Variants in NRTN observed in about 807,000 individuals in gnomAD.
The protein encoded by NRTN is neurturin.
NRTN carries 3 observed loss-of-function variants against 7.5 expected under a neutral mutation model. The ratio of observed to expected loss-of-function variants is 0.40; its 90% CI spans 0.18 to 1.03. The LOEUF (loss-of-function observed/expected upper bound fraction) is 1.03, where lower values mean the gene tolerates loss of function less well. Among genes scored for constraint, NRTN ranks in the 50% least tolerant of loss-of-function variants. The pLI is 0.34. For synonymous variants in NRTN, 157 were observed against 146.6 expected, an observed-to-expected ratio of 1.07 and a Z score of -0.51; for missense variants, 310 against 307.0, an observed-to-expected ratio of 1.01 and a Z score of -0.07.
intron 1 of NRTN, among the ~76,000 whole-genome samples, chr19:5,816,680 T>C (rs910111426): frequency 2.6e-5 from 4 of 151,928 alleles, no homozygotes; most frequent in Non-Finnish European, 5.9e-5. Flanking sequence ...CCGTGCCCCG[T>C]CTTGTCTTCT....
chr19:5,814,458 T>G (rs944637267), intron 1 of NRTN, among the ~76,000 whole-genome samples: 12 of 152,194 alleles, frequency 7.9e-5, no homozygotes, highest in African/African-American at 2.9e-4. Flanking sequence ...CCTCCCTTTC[T>G]TCATCTCTCA....
At position 5,811,893 on chromosome 19, in the gene NRTN, C is replaced by A. The variant is rs1403374781; in HGVS notation, c.-399+6442C>A. Among the ~76,000 whole-genome samples the A allele has an allele frequency of 2.7e-5, 4 of 148,454 alleles. No individual in the cohort carries two copies. In the East Asian group the frequency reaches 8.0e-4, roughly 30 times the overall value. ...ATTTTATTTATTTATTTTTTTGAGA[C>A]AGAGTTCGCTCTGTTGCCCAGGCTG... On this transcript the variant is annotated intron_variant, in intron 1 of 2. Transcript: ENST00000303212.
In NRTN at chr19:5,828,122, C is replaced by T; in HGVS notation, c.543C>T (p.Ser181=). Residue 181 remains serine, a synonymous_variant, in exon 3 of 3, where the codon AGC becomes AGT. Transcript: ENST00000303212. ...AGGTGTCCTTCCTGGACGCGCACAGCCGCTACCACACGGTGCACGAGCTGT... is the reference window on the plus strand; with the variant it reads ...AGGTGTCCTTCCTGGACGCGCACAGTCGCTACCACACGGTGCACGAGCTGT... ...EDEVSFLDAH[S]RYHTVHELSA... 2.0e-6 allele frequency: 3 copies of T among 1,507,880 alleles called. No homozygotes were observed. Among genetic ancestry groups the T allele is most frequent in the East Asian group, 2.7e-5 (1 of 37,098 alleles). The allele number at this position is 1,507,880 out of a possible 1,614,324, so 93.4% of individuals were successfully genotyped here.
intron 1 of NRTN, among the ~76,000 whole-genome samples, chr19:5,809,488 T>A (rs1375518242): frequency 1.3e-5 from 2 of 149,418 alleles, no homozygotes; most frequent in African/African-American, 5.0e-5. Flanking sequence ...CCTGGTTTTT[T>A]TTTTGTTGTT....
intron 1 of NRTN, among the ~76,000 whole-genome samples, chr19:5,821,294 CTTTTTTTT>C (rs33932385): frequency 1.4e-3 from 68 of 49,174 alleles, no homozygotes; most frequent in African/African-American, 5.6e-3. Context: ...CAGTGCCTAG[CTTTTTTTT>C]TTTTTTTTTT....
intron 1 of NRTN, among the ~76,000 whole-genome samples, chr19:5,820,738 GA>G (rs869276836): frequency 0.017 from 657 of 38,998 alleles, 1 homozygote; most frequent in South Asian, 0.042. Flanking sequence ...TCTGTCTCAA[GA>G]AAAAAAAAAA....
At chr19:5,821,212 A>G (rs1413208220) in intron 1 of NRTN, among the ~76,000 whole-genome samples, 2 of 150,356 alleles carry the variant, frequency 1.3e-5, no homozygotes, top group Non-Finnish European at 2.9e-5. Flanking sequence ...TCATCCTCCC[A>G]ATAAATCCAT....
At chr19:5,821,459 C>T (rs1178693356) in intron 1 of NRTN, among the ~76,000 whole-genome samples, 4 of 151,818 alleles carry the variant, frequency 2.6e-5, no homozygotes, top group East Asian at 3.9e-4. Context: ...TGTGCCACCA[C>T]GCCCGGCTAA....
chr19:5,816,453 G>A (rs1037457609), intron 1 of NRTN, among the ~76,000 whole-genome samples: 1 of 151,732 alleles, frequency 6.6e-6, no homozygotes, highest in Non-Finnish European at 1.5e-5. Context: ...GTCTCGGCTC[G>A]CTGCAACCTC....
rs1044661474 is a variant in NRTN, at chr19:5,805,713, C to A, written c.-399+262C>A. ...CGGTGTCCCTGTCCGACGGGGCGGG[C>A]GCACTCCTGTCTCCTAAAACCTCCA... On this transcript the variant is annotated intron_variant, in intron 1 of 2. Transcript: ENST00000303212. Among the ~76,000 whole-genome samples the A allele has an allele frequency of 2.6e-5, 4 of 152,012 alleles. No individual in the cohort carries two copies. In the South Asian group the frequency reaches 6.2e-4, roughly 24 times the overall value.
At chr19:5,808,857 A>G (rs367653047) in intron 1 of NRTN, among the ~76,000 whole-genome samples, 5 of 148,570 alleles carry the variant, frequency 3.4e-5, no homozygotes, top group African/African-American at 7.5e-5. Flanking sequence ...CCGGGTTCAC[A>G]CCATTCTCCT....
In NRTN at chr19:5,818,344, TGTGA is replaced by T. The variant is rs796229887; in HGVS notation, c.-398-5420_-398-5417del. Among the ~76,000 whole-genome samples, 39 of 151,952 alleles carry T rather than the reference TGTGA, an allele frequency of 2.6e-4. 1 individual carries two copies. Among genetic ancestry groups the T allele is most frequent in the South Asian group, 2.1e-3 (10 of 4,810 alleles). On this transcript the variant is annotated intron_variant, in intron 1 of 2. Coordinates refer to ENST00000303212, the MANE Select transcript of NRTN (RefSeq NM_004558.5). Reference sequence around the variant, plus strand: ...TGAGTGTGATCGTGTGTGGGCAGTGTGTGAGTGTGTGAGTGTGTGTATACGAGTA... The same window carrying T: ...TGAGTGTGATCGTGTGTGGGCAGTGTGTGTGTGAGTGTGTGTATACGAGTA...
intron 2 of NRTN, 78 bp downstream of exon 2, chr19:5,824,412 G>T: frequency 1.4e-6 from 2 of 1,408,082 alleles, no homozygotes; most frequent in Non-Finnish European, 1.9e-6. Flanking sequence ...GGGAGGTGGT[G>T]GGGGGGTGTC....
Position 5,806,301 on chromosome 19 carries a change from A to G in NRTN, c.-399+850A>G, listed in dbSNP as rs2144753937. Among the ~76,000 whole-genome samples the G allele has an allele frequency of 6.6e-6, 1 of 152,008 alleles. No individual in the cohort carries two copies. Among genetic ancestry groups the G allele is most frequent in the East Asian group, 1.9e-4 (1 of 5,150 alleles). ...CTGTCCCCTCCCCAGAACGCATCCG[A>G]CCTGCCCACAGGCCTGTGATTACCT... On this transcript the variant is annotated intron_variant, in intron 1 of 2. Transcript: ENST00000303212. The surrounding 1 kb of genome is among the most constrained non-coding windows in gnomAD (Gnocchi z 5.4).
At chr19:5,824,997 G>T (rs1159724928) in intron 2 of NRTN, among the ~76,000 whole-genome samples, 2 of 152,004 alleles carry the variant, frequency 1.3e-5, no homozygotes, top group African/African-American at 2.4e-5. Context: ...CGGCGCAGCA[G>T]GGGGGGCGGT....
intron 1 of NRTN, among the ~76,000 whole-genome samples, chr19:5,822,850 A>T (rs965177963): frequency 7.9e-5 from 12 of 152,118 alleles, no homozygotes; most frequent in East Asian, 5.8e-4. Flanking sequence ...AAACAAAAAC[A>T]AAAACAAAAA....
chr19:5,810,642 T>C (rs759663680), intron 1 of NRTN, among the ~76,000 whole-genome samples: 2 of 151,888 alleles, frequency 1.3e-5, no homozygotes, highest in Non-Finnish European at 2.9e-5. Flanking sequence ...GTTAAGAATA[T>C]GGAGGTTACA....
chr19:5,812,580 C>T (rs1176681564), intron 1 of NRTN, among the ~76,000 whole-genome samples: 3 of 152,230 alleles, frequency 2.0e-5, no homozygotes, highest in African/African-American at 4.8e-5. Context: ...AGATGTGTGT[C>T]GCCAGTTCGA....
chr19:5,816,731 G>A (rs1336290045), intron 1 of NRTN, among the ~76,000 whole-genome samples: 1 of 152,110 alleles, frequency 6.6e-6, no homozygotes, highest in East Asian at 1.9e-4. Context: ...TGCCCAGGTT[G>A]GTCTCAAACT....
Sources: allele counts gnomAD v4.1 joint callset (sites outside exome capture counted in the v4.1 genomes callset), GRCh38; gene constraint gnomAD v4.1.1; non-coding constraint Gnocchi (gnomAD v3.1); transcripts MANE v1.5; gene names NCBI Gene and HGNC (gene_info 2026-07-23, HGNC 2026-07-21).